Variants in RBFOX1 observed in about 807,000 individuals in gnomAD.
RBFOX1 encodes RNA binding fox-1 homolog 1.
In RBFOX1, 8 loss-of-function variants were observed where a neutral mutation model predicts 57.7. That is an observed-to-expected ratio of 0.14 (90% confidence interval 0.08 to 0.25). The LOEUF is 0.25. Ranked by LOEUF, RBFOX1 falls within the 10% of genes least tolerant of loss-of-function variation. The pLI is 1.00. For synonymous variants in RBFOX1, 326 were observed against 222.4 expected (o/e 1.47, Z -4.15); for missense variants, 611 against 548.5 (o/e 1.11, Z -1.14).
At chr16:7,003,176 CTG>C (rs1251879474) in intron 3 of RBFOX1, among the ~76,000 whole-genome samples, 1 of 151,946 alleles carries the variant, frequency 6.6e-6, no homozygotes, top group Non-Finnish European at 1.5e-5. Flanking sequence ...AAAGGAGTTT[CTG>C]GGCCAGGCAC....
chr16:6,487,752 T>TATAA (rs2095538095), intron 2 of RBFOX1, among the ~76,000 whole-genome samples: 1 of 102,034 alleles, frequency 9.8e-6, no homozygotes, highest in African/African-American at 4.1e-5. Flanking sequence ...TATATATATA[T>TATAA]ATAAAATATT....
intron 14 of RBFOX1, among the ~76,000 whole-genome samples, chr16:7,689,276 C>T (rs146740453): frequency 6.6e-6 from 1 of 152,050 alleles, no homozygotes; most frequent in East Asian, 1.9e-4. Context: ...ATTGGTAATC[C>T]TTCCTCTTCT....
At chr16:5,495,180 C>A (rs2042962431) in intron 2 of RBFOX1, among the ~76,000 whole-genome samples, 1 of 152,188 alleles carries the variant, frequency 6.6e-6, no homozygotes, top group Admixed American at 6.5e-5. Context: ...CACGGCAGAT[C>A]AGGAGATCTA....
chr16:5,396,277 A>T (rs2066552400), intron 1 of RBFOX1, among the ~76,000 whole-genome samples: 1 of 152,162 alleles, frequency 6.6e-6, no homozygotes, highest in African/African-American at 2.4e-5. Flanking sequence ...TCTCACCAAT[A>T]TCCCTACATC....
In RBFOX1 at chr16:7,000,756, C is replaced by T. The variant is rs538460844; in HGVS notation, c.-15-51301C>T. 2.9e-3 allele frequency among the ~76,000 whole-genome samples: 444 copies of T among 151,896 alleles called. 1 individual carries two copies. The highest frequency in any genetic ancestry group is 1.6e-3 in the Non-Finnish European group (112 of 67,932). On this transcript the variant is annotated intron_variant, in intron 3 of 15. Coordinates refer to ENST00000550418, the MANE Select transcript of RBFOX1 (RefSeq NM_018723.4). ...AGTAGCTGGGACTACAGGTGTCCGCCATCATGCCTGGCTAACTTTCTATAT... is the reference window on the plus strand; with the variant it reads ...AGTAGCTGGGACTACAGGTGTCCGCTATCATGCCTGGCTAACTTTCTATAT...
rs571000051 is a variant in RBFOX1, at chr16:5,382,774, G to A, written c.220-84442G>A. On this transcript the variant is annotated intron_variant, in intron 1 of 2. Transcript: ENST00000585867. ...TAAGGAAATTAAAGAGCAAACATCA[G>A]ATAATTTATTGAGTGCTTACAATAT... 5.3e-5 allele frequency among the ~76,000 whole-genome samples: 8 copies of A among 152,350 alleles called. No homozygotes were observed. The South Asian group carries it at 1.7e-3, about 32-fold the overall frequency.
At chr16:7,311,181 G>A (rs1288617350) in intron 4 of RBFOX1, among the ~76,000 whole-genome samples, 1 of 152,156 alleles carries the variant, frequency 6.6e-6, no homozygotes, top group Admixed American at 6.5e-5. Flanking sequence ...TGATGGAGCT[G>A]GGACTGGGAA....
chr16:6,964,372 G>C (rs564711001), intron 3 of RBFOX1, among the ~76,000 whole-genome samples: 2 of 152,116 alleles, frequency 1.3e-5, no homozygotes, highest in African/African-American at 4.8e-5. Flanking sequence ...TGTAATGGTG[G>C]ATCTGTGTCG....
chr16:6,721,307 G>A (rs1403236982), intron 3 of RBFOX1, among the ~76,000 whole-genome samples: 1 of 152,124 alleles, frequency 6.6e-6, no homozygotes, highest in Admixed American at 6.5e-5. Flanking sequence ...GCTGGGCATG[G>A]TGGCGGGTGC....
chr16:6,217,174 C>CTTTTTTTTTTT (rs71142697), intron 1 of RBFOX1, among the ~76,000 whole-genome samples: 2 of 119,056 alleles, frequency 1.7e-5, no homozygotes, highest in Non-Finnish European at 3.3e-5. Context: ...TTAGGGGATT[C>CTTTTTTTTTTT]TTTTTTTTTT....
At chr16:6,129,393 G>C (rs1471700594) in intron 1 of RBFOX1, among the ~76,000 whole-genome samples, 1 of 152,116 alleles carries the variant, frequency 6.6e-6, no homozygotes, top group Non-Finnish European at 1.5e-5. Flanking sequence ...CAAGGCACTT[G>C]AACAGTTTAA....
At chr16:7,500,101 T>G (rs1254917260) in intron 4 of RBFOX1, among the ~76,000 whole-genome samples, 1 of 152,060 alleles carries the variant, frequency 6.6e-6, no homozygotes, top group African/African-American at 2.4e-5. Context: ...CAGACGTCCT[T>G]AAAAGATCAC....
chr16:6,715,085 G>A (rs978262017), intron 3 of RBFOX1, among the ~76,000 whole-genome samples: 2 of 152,098 alleles, frequency 1.3e-5, no homozygotes, highest in Non-Finnish European at 2.9e-5. Flanking sequence ...AAGTCTGTGT[G>A]CGGCAGCAGG....
intron 14 of RBFOX1, among the ~76,000 whole-genome samples, chr16:7,708,016 G>C (rs74012231): frequency 4.6e-5 from 7 of 152,120 alleles, no homozygotes; most frequent in East Asian, 1.9e-4. Flanking sequence ...CACAGGATAC[G>C]GTGGACCAAG....
intron 3 of RBFOX1, among the ~76,000 whole-genome samples, chr16:6,881,127 C>G (rs1359135470): frequency 2.0e-5 from 3 of 152,146 alleles, no homozygotes; most frequent in Non-Finnish European, 2.9e-5. Context: ...CAGTGAAGCG[C>G]TCCAGGCAGT....
rs141615743 is a variant in RBFOX1, at chr16:7,089,070, C to G, written c.27+36972C>G. ...TGCCTTGCCCCTCAGTGAGCCTTGT[C>G]ATTTACACCCTTGCCCCCTTTCTTT... On this transcript the variant is annotated intron_variant, in intron 4 of 15. Transcript: ENST00000550418. Among the ~76,000 whole-genome samples, 575 of 152,276 alleles carry G rather than the reference C, an allele frequency of 3.8e-3. 4 individuals are homozygous for G. The highest frequency in any genetic ancestry group is 0.013 in the African/African-American group (554 of 41,568).
Position 6,263,903 on chromosome 16 carries a change from A to C in RBFOX1, c.-126-53092A>C, listed in dbSNP as rs2097717012. On this transcript the variant is annotated intron_variant, in intron 1 of 15. Transcript: ENST00000550418. Reference sequence around the variant, plus strand: ...GCAGTGGCCACCACCAGCAACATCCACTATTACAGGATTAATAGGAATTAA... The same window carrying C: ...GCAGTGGCCACCACCAGCAACATCCCCTATTACAGGATTAATAGGAATTAA... Among the ~76,000 whole-genome samples, 6 of 152,278 alleles carry C rather than the reference A, an allele frequency of 3.9e-5. No homozygotes were observed. The South Asian group carries it at 1.2e-3, about 32-fold the overall frequency.
intron 3 of RBFOX1, among the ~76,000 whole-genome samples, chr16:6,758,241 G>C (rs992229469): frequency 1.3e-5 from 2 of 152,020 alleles, no homozygotes; most frequent in Non-Finnish European, 2.9e-5. Flanking sequence ...GCTACTATCA[G>C]AATCAGTCCT....
chr16:6,951,114 C>T (rs189115501), intron 3 of RBFOX1, among the ~76,000 whole-genome samples: 2 of 152,080 alleles, frequency 1.3e-5, no homozygotes, highest in African/African-American at 2.4e-5. Context: ...CCTATGTTGC[C>T]CAGGCTGGTC....
Sources: allele counts gnomAD v4.1 joint callset (sites outside exome capture counted in the v4.1 genomes callset), GRCh38; gene constraint gnomAD v4.1.1; transcripts MANE v1.5; gene names NCBI Gene and HGNC (gene_info 2026-07-23, HGNC 2026-07-21).